The following TLN2 variants were observed in gnomAD, a reference collection of about 807,000 sequenced individuals.
TLN2 encodes talin 2.
TLN2 carries 118 observed loss-of-function variants against 294.7 expected under a neutral mutation model. The ratio of observed to expected loss-of-function variants is 0.40; its 90% CI spans 0.34 to 0.47. The LOEUF is 0.47. Among genes scored for constraint, TLN2 ranks in the 20% least tolerant of loss-of-function variants. TLN2 has a pLI of 0.84. For missense variants in TLN2, 3,083 were observed against 3,282.2 expected (o/e 0.94, Z 1.48); for synonymous variants, 1,431 against 1,304.5 (o/e 1.10, Z -2.09).
chr15:62,791,379 G>T (rs1247593126), intron 45 of TLN2, among the ~76,000 whole-genome samples: 1 of 152,060 alleles, frequency 6.6e-6, no homozygotes, highest in African/African-American at 2.4e-5. Context: ...GTGTGTAGAA[G>T]ACACCTAAAG....
chr15:62,491,363 C>T (rs975325367), intron 1 of TLN2, among the ~76,000 whole-genome samples: 45 of 121,040 alleles, frequency 3.7e-4, no homozygotes, highest in African/African-American at 1.5e-3. Flanking sequence ...CACACACACA[C>T]ACACACACAC....
At chr15:62,653,045 A>G in intron 6 of TLN2, 117 bp from the exon 7 acceptor site, 1 of 775,874 alleles carries the variant, frequency 1.3e-6, no homozygotes, top group Middle Eastern at 4.0e-4. Flanking sequence ...TCATATTTGT[A>G]AGGCCGTTTC....
In TLN2 at chr15:62,667,201, A is replaced by C. The variant is rs12441578; in HGVS notation, c.789-6626A>C. On this transcript the variant is annotated intron_variant, in intron 9 of 58. Transcript: ENST00000636159. ...CAGGATGGTCTCGATCTCCTGACCT[A>C]GTGATCCGCCCGCCTTGGCCTCCCA... 7.8e-3 allele frequency among the ~76,000 whole-genome samples: 1,189 copies of C among 152,096 alleles called. 12 individuals carry two copies. The highest frequency in any genetic ancestry group is 0.038 in the East Asian group (193 of 5,144).
In TLN2 at chr15:62,530,027, C is replaced by A. The variant is rs1212841752; in HGVS notation, c.-237-59660C>A. Reference sequence around the variant, plus strand: ...ACCAACTGGTGAAACCCCTTCTCTACTAAAAATACAAAAATTAGCCGGGCC... The same window carrying A: ...ACCAACTGGTGAAACCCCTTCTCTAATAAAAATACAAAAATTAGCCGGGCC... On this transcript the variant is annotated intron_variant, in intron 1 of 58. Transcript: ENST00000636159. Among the ~76,000 whole-genome samples, 6 of 152,198 alleles carry A rather than the reference C, an allele frequency of 3.9e-5. No individual in the cohort carries two copies. In the East Asian group the frequency reaches 1.2e-3, roughly 30 times the overall value.
intron 1 of TLN2, among the ~76,000 whole-genome samples, chr15:62,468,375 T>G (rs2037260862): frequency 6.6e-6 from 1 of 152,190 alleles, no homozygotes. Context: ...CAGCTGGGAT[T>G]TACTAAGCTG....
chr15:62,692,598 A>T (rs571747230), intron 12 of TLN2, among the ~76,000 whole-genome samples: 2 of 152,272 alleles, frequency 1.3e-5, no homozygotes, highest in South Asian at 4.2e-4. Flanking sequence ...AAGCCCAAGA[A>T]CTCAACCACA....
At chr15:62,506,491 G>C (rs982307171) in intron 1 of TLN2, among the ~76,000 whole-genome samples, 1 of 152,210 alleles carries the variant, frequency 6.6e-6, no homozygotes, top group Non-Finnish European at 1.5e-5. Flanking sequence ...TTAACATTTG[G>C]AATTCCTAGG....
At chr15:62,735,034 C>T (rs1330336473) in intron 28 of TLN2, among the ~76,000 whole-genome samples, 3 of 152,144 alleles carry the variant, frequency 2.0e-5, no homozygotes, top group South Asian at 2.1e-4. Flanking sequence ...GTATTTTTCA[C>T]GTAGATCTTA....
chr15:62,700,643 T>G (rs898832437), intron 16 of TLN2, among the ~76,000 whole-genome samples: 1 of 152,214 alleles, frequency 6.6e-6, no homozygotes, highest in African/African-American at 2.4e-5. Flanking sequence ...CAATGCACGT[T>G]GTAAGCAAGA....
rs1383021429 is a variant in TLN2, at chr15:62,654,257, A to G, written c.517+943A>G. On this transcript the variant is annotated intron_variant, in intron 7 of 58. Coordinates refer to ENST00000636159, the MANE Select transcript of TLN2 (RefSeq NM_015059.3). ...CATTGCATACCTATGGTGTCATTTA[A>G]CATGTTCCTCTGTCCCTTTTAATTC... 2.0e-4 allele frequency among the ~76,000 whole-genome samples: 30 copies of G among 152,180 alleles called. 1 individual carries two copies. The highest frequency in any genetic ancestry group is 2.0e-3 in the Admixed American group (30 of 15,274).
intron 2 of TLN2, among the ~76,000 whole-genome samples, chr15:62,596,121 C>A (rs1396206288): frequency 6.6e-6 from 1 of 151,870 alleles, no homozygotes; most frequent in Admixed American, 6.5e-5. Context: ...AAAAATTAGC[C>A]GGGCGCAGTG....
intron 3 of TLN2, among the ~76,000 whole-genome samples, chr15:62,640,938 A>T (rs932284538): frequency 1.1e-4 from 16 of 151,930 alleles, no homozygotes; most frequent in African/African-American, 3.9e-4. Flanking sequence ...GGTGGCTGGG[A>T]TTACAGGCGC....
At position 62,697,848 on chromosome 15, in the gene TLN2, C is replaced by T. The variant is rs1271943887; in HGVS notation, c.1453C>T (p.Arg485Ter). Residue 485 changes from arginine (R) to a stop codon, truncating the protein, a stop_gained, in exon 15 of 59, where the codon CGA (arginine) becomes TGA (stop). Coordinates refer to ENST00000636159, the MANE Select transcript of TLN2 (RefSeq NM_015059.3). LOFTEE classifies it high-confidence loss of function. ...QQQVMVGQMH[R>*]GHMPPLTSAQ... ...GCAGGTCATGGTTGGGCAGATGCAC[C>T]GAGGCCACATGCCGCCACTGGTGAG... 1.2e-6 allele frequency: 2 copies of T among 1,612,390 alleles called. No individual in the cohort carries two copies. Among genetic ancestry groups the T allele is most frequent in the Non-Finnish European group, 1.7e-6 (2 of 1,179,734 alleles).
intron 54 of TLN2, among the ~76,000 whole-genome samples, chr15:62,821,273 C>G (rs1338677125): frequency 6.6e-6 from 1 of 152,242 alleles, no homozygotes; most frequent in East Asian, 1.9e-4. Flanking sequence ...GCTAATACCT[C>G]CTACCCCACC....
At chr15:62,450,907 T>G (rs1159971915) in intron 1 of TLN2, among the ~76,000 whole-genome samples, 1 of 151,956 alleles carries the variant, frequency 6.6e-6, no homozygotes, top group Non-Finnish European at 1.5e-5. Context: ...AAATGTTGTT[T>G]CTCCGTTTTT....
intron 1 of TLN2, among the ~76,000 whole-genome samples, chr15:62,456,907 A>G (rs2036514629): frequency 6.6e-6 from 1 of 152,094 alleles, no homozygotes; most frequent in East Asian, 1.9e-4. Context: ...TTCTGGCATT[A>G]GGCCACCAAG....
intron 8 of TLN2, 66 bp from the exon 9 acceptor site, chr15:62,657,705 G>A: frequency 6.4e-7 from 1 of 1,562,948 alleles, no homozygotes; most frequent in Non-Finnish European, 8.6e-7. Context: ...CCATGGGAAT[G>A]CGTCAGTGGA....
intron 21 of TLN2, among the ~76,000 whole-genome samples, chr15:62,710,821 G>C (rs914511308): frequency 1.4e-4 from 20 of 144,428 alleles, no homozygotes; most frequent in African/African-American, 5.2e-4. Context: ...CGCCTCCCAG[G>C]TTCATGCCAT....
chr15:62,460,352 G>A (rs559624390), intron 1 of TLN2, among the ~76,000 whole-genome samples: 3 of 148,882 alleles, frequency 2.0e-5, no homozygotes, highest in South Asian at 2.2e-4. Flanking sequence ...CGCAACCTCC[G>A]CCTCCAGGTT....
Sources: gnomAD v4.1 joint callset for allele counts (sites outside exome capture counted in the v4.1 genomes callset) on GRCh38, gnomAD v4.1.1 for gene constraint, MANE v1.5 for transcripts, NCBI Gene and HGNC (gene_info 2026-07-23, HGNC 2026-07-21) for gene names.